Variants in TERB1 observed in about 807,000 individuals in gnomAD.
TERB1 encodes the protein telomere repeats-binding bouquet formation protein 1.
A neutral mutation model predicts 92.3 loss-of-function variants in TERB1; 63 were observed. That is an observed-to-expected ratio of 0.68 (90% CI 0.56 to 0.84). The LOEUF (loss-of-function observed/expected upper bound fraction) is 0.84, where lower values mean the gene tolerates loss of function less well. Among genes scored for constraint, TERB1 ranks in the 40% least tolerant of loss-of-function variants. The pLI is 0.00. For synonymous variants in TERB1, 252 were observed against 283.9 expected, an observed-to-expected ratio of 0.89 and a Z score of 1.13; for missense variants, 709 against 843.7, an observed-to-expected ratio of 0.84 and a Z score of 1.98.
chr16:66,799,717 A>G (rs996538737), intron 2 of TERB1, among the ~76,000 whole-genome samples: 4 of 152,248 alleles, frequency 2.6e-5, no homozygotes, highest in African/African-American at 7.2e-5. Flanking sequence ...ACAAACACCC[A>G]TAGCAAAGGA....
chr16:66,766,284 GA>G (rs142910935), intron 16 of TERB1, among the ~76,000 whole-genome samples: 8,319 of 151,878 alleles, frequency 0.055, 278 homozygotes, highest in African/African-American at 0.088. Flanking sequence ...AAAATGTGGA[GA>G]AAAAAAAGAT....
chr16:66,766,427 C>T (rs889514853), intron 16 of TERB1, among the ~76,000 whole-genome samples: 1 of 151,826 alleles, frequency 6.6e-6, no homozygotes, highest in African/African-American at 2.4e-5. Flanking sequence ...CAGAGTACAA[C>T]AGCAAGATGA....
intron 10 of TERB1, among the ~76,000 whole-genome samples, chr16:66,777,956 T>G (rs1419741399): frequency 6.6e-6 from 1 of 152,238 alleles, no homozygotes; most frequent in Admixed American, 6.5e-5. Flanking sequence ...CTGAAGGGAC[T>G]ACATCTTAAT....
intron 18 of TERB1, among the ~76,000 whole-genome samples, chr16:66,755,746 G>A (rs1416281762): frequency 6.6e-6 from 1 of 152,124 alleles, no homozygotes; most frequent in African/African-American, 2.4e-5. Context: ...CTGCACTCCA[G>A]CCTGGGCGAC....
At chr16:66,764,765 T>C (rs887468089) in intron 16 of TERB1, among the ~76,000 whole-genome samples, 1 of 152,146 alleles carries the variant, frequency 6.6e-6, no homozygotes, top group African/African-American at 2.4e-5. Flanking sequence ...ACCAGACAAA[T>C]AGTGGCAACA....
At position 66,759,140 on chromosome 16, in the gene TERB1, C is replaced by T; in HGVS notation, c.1930+1G>A. ...AATTTTAAAGCTGCTGAATTAATTACTTTTGTTACAGATAAGTGATTTCCT... is the reference window on the plus strand; with the variant it reads ...AATTTTAAAGCTGCTGAATTAATTATTTTTGTTACAGATAAGTGATTTCCT... On this transcript the variant is annotated splice_donor_variant, in intron 17 of 18. Transcript: ENST00000433154. LOFTEE classifies it high-confidence loss of function. The T allele has an allele frequency of 1.3e-6, 2 of 1,536,696 alleles. No homozygotes were observed. Among genetic ancestry groups the T allele is most frequent in the Non-Finnish European group, 1.8e-6 (2 of 1,142,224 alleles).
chr16:66,758,983 G>T, intron 17 of TERB1, 145 bp from the exon 18 acceptor site: 2 of 921,138 alleles, frequency 2.2e-6, no homozygotes, highest in Non-Finnish European at 3.3e-6. Context: ...AACAGTCTAA[G>T]ACTACTCCCT....
At chr16:66,769,889 C>G in intron 14 of TERB1, 74 bp downstream of exon 14, 1 of 979,238 alleles carries the variant, frequency 1.0e-6, no homozygotes. Flanking sequence ...CAATATTTAA[C>G]AGTGTGGCAT....
intron 10 of TERB1, among the ~76,000 whole-genome samples, 197 bp downstream of exon 10, chr16:66,778,666 C>T (rs1256315437): frequency 6.6e-6 from 1 of 151,630 alleles, no homozygotes; most frequent in East Asian, 1.9e-4. Context: ...GATCTGCCCG[C>T]CTTGGCCTCC....
intron 3 of TERB1, among the ~76,000 whole-genome samples, chr16:66,795,419 C>A (rs909985715): frequency 1.3e-5 from 2 of 152,210 alleles, no homozygotes; most frequent in African/African-American, 4.8e-5. Flanking sequence ...TATTTGATAA[C>A]ATACTCTCTG....
At chr16:66,799,107 T>C (rs1373459912) in intron 2 of TERB1, among the ~76,000 whole-genome samples, 1 of 152,246 alleles carries the variant, frequency 6.6e-6, no homozygotes. Context: ...CTTTAGAAAA[T>C]GGAAAATTGT....
chr16:66,777,316 A>G lies in TERB1; in HGVS notation c.872T>C (p.Leu291Pro). 2 of 1,544,506 alleles carry G rather than the reference A, an allele frequency of 1.3e-6. No homozygotes were observed. Among genetic ancestry groups the G allele is most frequent in the Non-Finnish European group, 1.8e-6 (2 of 1,141,968 alleles). ...IADNPTFGIVLSKYHIVSKLL... is the reference protein window; with the variant it reads ...IADNPTFGIVPSKYHIVSKLL... ...TTTAGAAACAATGTGGTACTTGGAG[A>G]GTACTATCCCAAAAGTAGCTATTAG... Residue 291 changes from leucine (L) to proline (P), a missense_variant, in exon 11 of 19, where the codon CTC becomes CCC. Physicochemically the swap from Leu to Pro is moderately conservative, Grantham distance 98. Transcript: ENST00000433154.
rs1334674967 is a variant in TERB1 at position 66,795,503 on chromosome 16, T to G, written c.31+1265A>C. Among the ~76,000 whole-genome samples the G allele has an allele frequency of 2.0e-5, 3 of 152,300 alleles. No homozygotes were observed. The East Asian group carries it at 5.8e-4, about 29-fold the overall frequency. On this transcript the variant is annotated intron_variant, in intron 3 of 18. Coordinates refer to ENST00000433154, the MANE Select transcript of TERB1 (RefSeq NM_001136505.2). ...GGATCACTTTCTGAAAAAAGGTACT[T>G]GCACTCAAATCCTTATCTCACAGTC...
At chr16:66,793,538 G>A (rs931081686) in intron 3 of TERB1, among the ~76,000 whole-genome samples, 1 of 151,238 alleles carries the variant, frequency 6.6e-6, no homozygotes, top group African/African-American at 2.4e-5. Flanking sequence ...TTGAAATGGA[G>A]TCTCACTCTG....
chr16:66,775,592 C>A (rs1365392504), intron 11 of TERB1, among the ~76,000 whole-genome samples: 2 of 151,764 alleles, frequency 1.3e-5, no homozygotes, highest in Admixed American at 6.6e-5. Context: ...CGAGGTCGCA[C>A]CATTGTACTC....
At chr16:66,788,831 G>A (rs943318322) in intron 5 of TERB1, among the ~76,000 whole-genome samples, 1 of 151,722 alleles carries the variant, frequency 6.6e-6, no homozygotes, top group Non-Finnish European at 1.5e-5. Context: ...TACAATCAAC[G>A]TTTCATCCAG....
chr16:66,756,088 A>T (rs939064883), intron 18 of TERB1, among the ~76,000 whole-genome samples: 1 of 152,234 alleles, frequency 6.6e-6, no homozygotes, highest in Non-Finnish European at 1.5e-5. Context: ...GGTGATGATT[A>T]CTAGGAAATA....
At chr16:66,766,465 G>A (rs868419824) in intron 16 of TERB1, among the ~76,000 whole-genome samples, 2 of 152,136 alleles carry the variant, frequency 1.3e-5, no homozygotes, top group Non-Finnish European at 2.9e-5. Flanking sequence ...GGGTGTGAAG[G>A]AGGAGGAGAA....
At chr16:66,785,622 T>TA (rs905674719) in intron 9 of TERB1, among the ~76,000 whole-genome samples, 164 bp downstream of exon 9, 1 of 152,206 alleles carries the variant, frequency 6.6e-6, no homozygotes, top group African/African-American at 2.4e-5. Flanking sequence ...AATATCCTTC[T>TA]AAAAATATCT....
Sources: allele counts gnomAD v4.1 joint callset (sites outside exome capture counted in the v4.1 genomes callset), GRCh38; gene constraint gnomAD v4.1.1; transcripts MANE v1.5; gene names NCBI Gene and HGNC (gene_info 2026-07-23, HGNC 2026-07-21).